The following MAP2K6 variants were observed in gnomAD, a reference collection of about 807,000 sequenced individuals.
MAP2K6 encodes dual specificity mitogen-activated protein kinase kinase 6.
A neutral mutation model predicts 53.7 loss-of-function variants in MAP2K6; 16 were observed. The observed-to-expected ratio is 0.30, with a 90% confidence interval of 0.20 to 0.45. MAP2K6 has a LOEUF of 0.45. Among genes scored for constraint, MAP2K6 ranks in the 20% least tolerant of loss-of-function variants. MAP2K6 has a pLI of 1.00. For missense variants in MAP2K6, 204 were observed against 411.9 expected (o/e 0.50, Z 4.37); for synonymous variants, 132 against 143.1 (o/e 0.92, Z 0.55).
intron 1 of MAP2K6, among the ~76,000 whole-genome samples, chr17:69,480,647 G>T (rs1001646976): frequency 4.6e-5 from 7 of 152,108 alleles, no homozygotes; most frequent in Non-Finnish European, 7.4e-5. Context: ...ATAGAGATTG[G>T]GAAGCATGGG....
At position 69,505,797 on chromosome 17, in the gene MAP2K6, G is replaced by C. The variant is rs1403041894; in HGVS notation, c.34G>C (p.Gly12Arg). Residue 12 changes from glycine to arginine, a missense_variant, in exon 2 of 12, where the codon GGC (glycine) becomes CGC (arginine). This residue lies in a region of MAP2K6 where 129 missense variants were observed against 247.1 expected (regional missense o/e 0.52). Transcript: ENST00000590474. ...CCCCATAGGCAAGAAGCGAAACCCT[G>C]GCCTTAAAATTCCAAAAGAAGCATT... ...SQSKGKKRNP[G>R]LKIPKEAFEQ... The C allele has an allele frequency of 3.7e-6, 6 of 1,613,638 alleles. No individual in the cohort carries two copies. The highest frequency in any genetic ancestry group is 1.7e-6 in the Non-Finnish European group (2 of 1,179,756).
intron 1 of MAP2K6, among the ~76,000 whole-genome samples, chr17:69,447,231 G>A (rs1906998154): frequency 6.6e-6 from 1 of 151,878 alleles, no homozygotes; most frequent in African/African-American, 2.4e-5. Context: ...CACCCGCCTC[G>A]GCCTCCCAAA....
chr17:69,525,010 G>A, intron 9 of MAP2K6, 32 bp downstream of exon 9: 1 of 1,578,072 alleles, frequency 6.3e-7, no homozygotes, highest in East Asian at 2.2e-5. Context: ...GAACTATGAG[G>A]TTGTGGGTAA....
chr17:69,526,978 A>C (rs990053275), intron 10 of MAP2K6, among the ~76,000 whole-genome samples: 5 of 152,178 alleles, frequency 3.3e-5, no homozygotes, highest in Admixed American at 2.6e-4. Flanking sequence ...CGATTTAAGG[A>C]ACTCAGAGGG....
At chr17:69,486,662 A>G (rs1177576800) in intron 1 of MAP2K6, among the ~76,000 whole-genome samples, 2 of 152,182 alleles carry the variant, frequency 1.3e-5, no homozygotes, top group Non-Finnish European at 2.9e-5. Context: ...GCAAATAAGG[A>G]TCGCAGACAC....
intron 1 of MAP2K6, chr17:69,502,232 C>A: frequency 1.0e-6 from 1 of 985,456 alleles, no homozygotes; most frequent in Non-Finnish European, 1.2e-6. Context: ...TTGCTGCAAT[C>A]CGAACTTGAG....
intron 1 of MAP2K6, among the ~76,000 whole-genome samples, chr17:69,476,324 C>T (rs2145186504): frequency 6.6e-6 from 1 of 152,164 alleles, no homozygotes; most frequent in South Asian, 2.1e-4. Flanking sequence ...AAAACAAAAC[C>T]AAAAAACCAA....
intron 1 of MAP2K6, among the ~76,000 whole-genome samples, chr17:69,421,362 G>A (rs933361260): frequency 1.4e-4 from 22 of 152,214 alleles, no homozygotes; most frequent in African/African-American, 4.8e-4. Flanking sequence ...AGATTTAAAG[G>A]TTGCACAATT....
chr17:69,497,197 G>A (rs1248330136), intron 1 of MAP2K6, among the ~76,000 whole-genome samples: 1 of 152,286 alleles, frequency 6.6e-6, no homozygotes, highest in African/African-American at 2.4e-5. Flanking sequence ...ACTTCAAAGG[G>A]CTTGCATTTT....
chr17:69,535,989 A>C (rs1430692848), intron 10 of MAP2K6, 126 bp from the exon 11 acceptor site: 1 of 656,220 alleles, frequency 1.5e-6, no homozygotes, highest in Non-Finnish European at 2.7e-6. Flanking sequence ...AAGTCAAGAT[A>C]GGAGGCTGTG....
intron 10 of MAP2K6, among the ~76,000 whole-genome samples, chr17:69,531,831 G>T (rs1567858572): frequency 1.3e-5 from 2 of 152,040 alleles, no homozygotes; most frequent in Non-Finnish European, 2.9e-5. Context: ...GGGTTGTGTT[G>T]ACCATGTCAG....
intron 1 of MAP2K6, among the ~76,000 whole-genome samples, chr17:69,458,331 G>A (rs145014965): frequency 1.1e-3 from 160 of 152,270 alleles, no homozygotes; most frequent in African/African-American, 3.7e-3. Flanking sequence ...GGGATTCCAG[G>A]CGTGAGCCAC....
At chr17:69,434,924 C>T (rs1598260098) in intron 1 of MAP2K6, 1 of 152,074 alleles carries the variant, frequency 6.6e-6, no homozygotes, top group African/African-American at 2.4e-5. Flanking sequence ...TAAGAAAATC[C>T]ATTAAGCCCA....
intron 1 of MAP2K6, among the ~76,000 whole-genome samples, chr17:69,455,040 T>A (rs907155586): frequency 6.6e-6 from 1 of 151,524 alleles, no homozygotes; most frequent in African/African-American, 2.4e-5. Flanking sequence ...TTATTATTTT[T>A]TTTTTTTTTT....
rs1912070278 is a variant in MAP2K6 at position 69,550,887 on chromosome 17, G to A, written c.*9134G>A. 1 of 152,188 alleles carries A rather than the reference G, an allele frequency of 6.6e-6. No homozygotes were observed. The highest frequency in any genetic ancestry group is 1.5e-5 in the Non-Finnish European group (1 of 68,034). 9.4% of individuals were successfully genotyped at this position (152,188 alleles called of 1,614,324 possible). On this transcript the variant is annotated 3_prime_UTR_variant, in exon 12 of 12. Transcript: ENST00000590474. ...AGTCTCAAATATGGGAAATTTTATA[G>A]CCAACCACGGCTGTGAGTCCCTGGC...
intron 1 of MAP2K6, among the ~76,000 whole-genome samples, chr17:69,470,849 C>T (rs1315609971): frequency 2.0e-5 from 3 of 152,096 alleles, no homozygotes; most frequent in African/African-American, 7.2e-5. Context: ...TGGCCTTTAC[C>T]AGAATGCCTT....
At chr17:69,466,206 T>A (rs1222908558) in intron 1 of MAP2K6, among the ~76,000 whole-genome samples, 3 of 146,740 alleles carry the variant, frequency 2.0e-5, no homozygotes, top group Non-Finnish European at 1.5e-5. Flanking sequence ...GGCAGGAGAA[T>A]AGCTTGAAAC....
At chr17:69,483,597 C>A (rs1331647834) in intron 1 of MAP2K6, among the ~76,000 whole-genome samples, 1 of 152,002 alleles carries the variant, frequency 6.6e-6, no homozygotes, top group Non-Finnish European at 1.5e-5. Flanking sequence ...AATTGATAGG[C>A]TAATCCTGAA....
In MAP2K6 at chr17:69,440,173, G is replaced by A. The variant is rs554504316; in HGVS notation, c.16+25173G>A. On this transcript the variant is annotated intron_variant, in intron 1 of 11. Transcript: ENST00000590474. ...AGTGATTCTACTGCCTCAGCCTCCA[G>A]AGTAGCTGAGATTACAGGCACCTAC... Among the ~76,000 whole-genome samples, 52 of 152,136 alleles carry A rather than the reference G, an allele frequency of 3.4e-4. No homozygotes were observed. In the South Asian group the frequency reaches 8.7e-3, roughly 26 times the overall value.
Sources: gnomAD v4.1 joint callset for allele counts (sites outside exome capture counted in the v4.1 genomes callset) on GRCh38, gnomAD v4.1.1 for gene constraint, gnomAD v4.1.1 regional missense constraint, MANE v1.5 for transcripts, NCBI Gene and HGNC (gene_info 2026-07-23, HGNC 2026-07-21) for gene names.